The following PDE8B variants were observed in gnomAD, a reference collection of about 807,000 sequenced individuals.
The protein encoded by PDE8B is phosphodiesterase 8B.
Under a neutral mutation model 101.3 loss-of-function variants are expected in PDE8B, and 26 were observed. The observed-to-expected ratio is 0.26, with a 90% CI of 0.19 to 0.36. The LOEUF is 0.36. PDE8B is among the 10% of genes least tolerant of loss of function. The probability of loss-of-function intolerance (pLI) is 1.00; values close to 1 mark genes in which losing one functional copy is unlikely to be tolerated. For synonymous variants in PDE8B, 424 were observed against 429.3 expected (o/e 0.99, Z 0.15); for missense variants, 810 against 1,163.1 (o/e 0.70, Z 4.42).
At chr5:77,228,026 T>C (rs1752783509) in intron 1 of PDE8B, among the ~76,000 whole-genome samples, 1 of 152,164 alleles carries the variant, frequency 6.6e-6, no homozygotes, top group African/African-American at 2.4e-5. Context: ...TACTTCAGGG[T>C]GTCTTACAAG....
chr5:77,136,615 T>C, the PDE8B span, among the ~76,000 whole-genome samples: 1 of 152,204 alleles, frequency 6.6e-6, no homozygotes, highest in Admixed American at 6.5e-5. Context: ...CTGCAGTGTG[T>C]ATGGCAGTAA....
At chr5:77,212,103 A>G (rs2149379202) in intron 1 of PDE8B, among the ~76,000 whole-genome samples, 1 of 152,360 alleles carries the variant, frequency 6.6e-6, no homozygotes, top group East Asian at 1.9e-4. Context: ...TTATTTAAAT[A>G]GTGTCCTCCC....
the PDE8B span, chr5:77,087,598 G>A: frequency 6.6e-6 from 1 of 152,178 alleles, no homozygotes; most frequent in African/African-American, 2.4e-5. Flanking sequence ...TGGTGTACCA[G>A]CTTTGGCTAG....
intron 1 of PDE8B, among the ~76,000 whole-genome samples, chr5:77,256,896 T>C (rs1759294854): frequency 6.6e-6 from 1 of 152,236 alleles, no homozygotes. Flanking sequence ...TTCTTGATTA[T>C]TTTGTTTAAC....
intron 1 of PDE8B, chr5:77,291,654 G>A (rs1316660181): frequency 6.3e-7 from 1 of 1,596,494 alleles, no homozygotes; most frequent in Non-Finnish European, 8.6e-7. Context: ...AAGTGGGGCT[G>A]AGATTGGAGG....
At position 77,387,910 on chromosome 5, in the gene PDE8B, G is replaced by T. The variant is rs570844983; in HGVS notation, c.1168-12338G>T. Among the ~76,000 whole-genome samples the T allele has an allele frequency of 4.6e-5, 7 of 151,928 alleles. No homozygotes were observed. In the East Asian group the frequency reaches 5.8e-4, roughly 13 times the overall value. On this transcript the variant is annotated intron_variant, in intron 10 of 21. Transcript: ENST00000264917. ...ATGCTTCATGAAGTTCTCGTGCTGT[G>T]TTTTTCAGCTACATCAGGTCATTTA...
intron 1 of PDE8B, among the ~76,000 whole-genome samples, chr5:77,228,451 G>A (rs1277372974): frequency 6.6e-6 from 1 of 152,138 alleles, no homozygotes; most frequent in Non-Finnish European, 1.5e-5. Context: ...GGAAGAGCAT[G>A]GAACCTACCT....
chr5:77,113,557 A>G, the PDE8B span: 17 of 152,304 alleles, frequency 1.1e-4, no homozygotes, highest in Admixed American at 3.3e-4. Context: ...AACCATAAAA[A>G]CCCTAGAAGA....
chr5:77,222,374 A>G (rs1448297641), intron 1 of PDE8B, among the ~76,000 whole-genome samples: 1 of 152,198 alleles, frequency 6.6e-6, no homozygotes, highest in African/African-American at 2.4e-5. Context: ...CTGTAAACCC[A>G]GCACTTTGGG....
chr5:77,422,598 A>G (rs975355856), intron 20 of PDE8B, among the ~76,000 whole-genome samples: 5 of 152,216 alleles, frequency 3.3e-5, no homozygotes, highest in Non-Finnish European at 7.3e-5. Flanking sequence ...GGGAAGAGCA[A>G]TATGTAGTTC....
intron 1 of PDE8B, among the ~76,000 whole-genome samples, chr5:77,277,260 A>G (rs1010936929): frequency 2.0e-5 from 3 of 152,308 alleles, no homozygotes; most frequent in South Asian, 2.1e-4. Flanking sequence ...GTAAGATGAG[A>G]TTTATATTAA....
At chr5:77,424,968 G>A (rs528859265) in intron 20 of PDE8B, among the ~76,000 whole-genome samples, 56 of 152,258 alleles carry the variant, frequency 3.7e-4, no homozygotes, top group Non-Finnish European at 5.9e-4. Flanking sequence ...GGGATTACAG[G>A]CATGAGCCAT....
At chr5:77,342,655 G>GCTCTA (rs1355552476) in intron 6 of PDE8B, among the ~76,000 whole-genome samples, 1 of 152,004 alleles carries the variant, frequency 6.6e-6, no homozygotes, top group African/African-American at 2.4e-5. Flanking sequence ...TTGCTGTGTT[G>GCTCTA]GACAGTAAAT....
intron 17 of PDE8B, among the ~76,000 whole-genome samples, chr5:77,414,587 AT>A (rs35794220): frequency 0.078 from 10,804 of 139,374 alleles, 639 homozygotes; most frequent in African/African-American, 0.19. Flanking sequence ...TGCCCAGCCG[AT>A]TTTTTTTTTT....
chr5:77,239,653 T>C (rs1755347711), intron 1 of PDE8B, among the ~76,000 whole-genome samples: 1 of 152,240 alleles, frequency 6.6e-6, no homozygotes, highest in Admixed American at 6.5e-5. Context: ...TCCACACTTT[T>C]GATGAACATG....
chr5:77,307,978 A>G (rs1771641853), intron 1 of PDE8B, among the ~76,000 whole-genome samples: 1 of 152,256 alleles, frequency 6.6e-6, no homozygotes. Flanking sequence ...TCTTTGAAGT[A>G]GAGAATCTTG....
chr5:77,283,135 A>C (rs1335874516), intron 1 of PDE8B, among the ~76,000 whole-genome samples: 1 of 152,170 alleles, frequency 6.6e-6, no homozygotes, highest in African/African-American at 2.4e-5. Context: ...TAAGCACTGA[A>C]GTTATTTCTT....
the PDE8B span, among the ~76,000 whole-genome samples, chr5:77,174,178 C>T: frequency 6.6e-6 from 1 of 152,194 alleles, no homozygotes; most frequent in South Asian, 2.1e-4. Context: ...CTTCCCTTCA[C>T]ATGTAGACCT....
the PDE8B span, among the ~76,000 whole-genome samples, chr5:77,120,039 TA>T: frequency 6.6e-6 from 1 of 151,978 alleles, no homozygotes; most frequent in Admixed American, 6.6e-5. Flanking sequence ...AACAGCCCAT[TA>T]ACAGAAGAAT....
Sources: gnomAD v4.1 joint callset for allele counts (sites outside exome capture counted in the v4.1 genomes callset) on GRCh38, gnomAD v4.1.1 for gene constraint, MANE v1.5 for transcripts, NCBI Gene and HGNC (gene_info 2026-07-23, HGNC 2026-07-21) for gene names.